The following SLC7A5 variants were observed in gnomAD, a reference collection of about 807,000 sequenced individuals.
The protein encoded by SLC7A5 is solute carrier family 7 member 5, also known as large neutral amino acids transporter small subunit 1.
In SLC7A5, 23 loss-of-function variants were observed where a neutral mutation model predicts 50.2. That is an observed-to-expected ratio of 0.46 (90% CI 0.33 to 0.65). SLC7A5 has a LOEUF of 0.65. Among genes scored for constraint, SLC7A5 ranks in the 30% least tolerant of loss-of-function variants. SLC7A5 has a pLI of 0.02. For synonymous variants in SLC7A5, 393 were observed against 330.6 expected, an observed-to-expected ratio of 1.19 and a Z score of -2.05; for missense variants, 578 against 684.4, an observed-to-expected ratio of 0.84 and a Z score of 1.73.
chr16:87,837,173 C>T (rs1387072795), intron 7 of SLC7A5, among the ~76,000 whole-genome samples: 1 of 152,222 alleles, frequency 6.6e-6, no homozygotes, highest in African/African-American at 2.4e-5. Flanking sequence ...GAGGCCAGCC[C>T]ACAGCTGCCA....
Position 87,869,368 on chromosome 16 carries a change from TCTC to T in SLC7A5, c.52_54del (p.Glu18del), listed in dbSNP as rs1479427571. The T allele has an allele frequency of 1.2e-6, 2 of 1,604,414 alleles. No individual in the cohort carries two copies. Among genetic ancestry groups the T allele is most frequent in the Admixed American group, 1.7e-5 (1 of 59,466 alleles). ...AGCATCTTCTCCCGCGCCTCTTCCT[TCTC>T]CTCGGCCGCCGGCGCCGCTAGCGCG... On this transcript the variant is annotated inframe_deletion, in exon 1 of 10. Transcript: ENST00000261622.
In SLC7A5 at chr16:87,832,961, G is replaced by C. The variant is rs141073967; in HGVS notation, c.*9C>G. 3.4e-5 allele frequency: 55 copies of C among 1,612,496 alleles called. No individual in the cohort carries two copies. Among genetic ancestry groups the C allele is most frequent in the Non-Finnish European group, 4.5e-5 (53 of 1,178,804 alleles). ...CGCATGCTCCTCCGGCAGCCACTCG[G>C]CCTCCTGGCTATGTCTCCTGGGGGA... On this transcript the variant is annotated 3_prime_UTR_variant, in exon 10 of 10. Transcript: ENST00000261622. The surrounding 1 kb of genome is among the most constrained non-coding windows in gnomAD (Gnocchi z 4.6).
At chr16:87,836,810 A>G in intron 7 of SLC7A5, 163 bp from the exon 8 acceptor site, 1 of 467,670 alleles carries the variant, frequency 2.1e-6, no homozygotes, top group Non-Finnish European at 4.2e-6. Context: ...AAGGTCTTGA[A>G]GGAGGAAAGG....
chr16:87,846,070 C>A (rs759411645), intron 2 of SLC7A5, among the ~76,000 whole-genome samples: 44 of 152,222 alleles, frequency 2.9e-4, no homozygotes, highest in Admixed American at 5.2e-4. Flanking sequence ...TCTTCGAGGC[C>A]CAAAAGAGGT....
intron 1 of SLC7A5, among the ~76,000 whole-genome samples, chr16:87,867,405 G>A (rs1191357752): frequency 6.6e-6 from 1 of 152,192 alleles, no homozygotes; most frequent in African/African-American, 2.4e-5. Context: ...GAAGGCACAG[G>A]CTCTCCCCAC....
At chr16:87,843,112 C>T (rs932032879) in intron 2 of SLC7A5, among the ~76,000 whole-genome samples, 1 of 152,124 alleles carries the variant, frequency 6.6e-6, no homozygotes, top group African/African-American at 2.4e-5. Context: ...GAAACACGTG[C>T]CCCATTCACT....
At chr16:87,835,622 C>T (rs553408559) in intron 8 of SLC7A5, among the ~76,000 whole-genome samples, 87 of 152,284 alleles carry the variant, frequency 5.7e-4, no homozygotes, top group South Asian at 1.5e-3. Flanking sequence ...TATAGGCGCC[C>T]GCCACCACGC....
Position 87,851,848 on chromosome 16 carries a change from C to T in SLC7A5, c.540G>A (p.Leu180=), listed in dbSNP as rs1259416928. The part of the protein sequence containing the change: ...AAKLVACLCV[L]LLTAVNCYSV... ...TGTAGCAGTTCACGGCCGTGAGCAG[C>T]ACTGTGGAGACAGAGGGCAGCGGTG... The change falls in exon 2 of 10, where the codon CTG becomes CTA. Residue 180 remains leucine, a splice_region_variant and synonymous_variant. Coordinates refer to ENST00000261622, the MANE Select transcript of SLC7A5 (RefSeq NM_003486.7). 6.2e-7 allele frequency: 1 copy of T among 1,612,838 alleles called. No individual in the cohort carries two copies. The highest frequency in any genetic ancestry group is 8.5e-7 in the Non-Finnish European group (1 of 1,179,970).
rs1452804745 is a variant in SLC7A5, at chr16:87,860,018, C to T, written c.539-8169G>A. 6.6e-6 allele frequency among the ~76,000 whole-genome samples: 1 copy of T among 152,008 alleles called. No individual in the cohort carries two copies. The highest frequency in any genetic ancestry group is 1.5e-5 in the Non-Finnish European group (1 of 68,020). On this transcript the variant is annotated intron_variant, in intron 1 of 9. Transcript: ENST00000261622. This position sits in a 1 kb window ranked among gnomAD's most constrained non-coding sequence, Gnocchi z 4.8. ...TTGATACCAGGTCTTTAGCTAATAA[C>T]TCTTTCAACCAATTGTGAATCAGAA... is the stretch of plus-strand genomic sequence containing the variant.
rs772197178 is a variant in SLC7A5 at position 87,841,188 on chromosome 16, G to C, written c.665-33C>G. 14 of 1,407,862 alleles carry C rather than the reference G, an allele frequency of 9.9e-6. No individual in the cohort carries two copies. The African/African-American group carries it at 1.8e-4, about 19-fold the overall frequency. The allele number at this position is 1,407,862 out of a possible 1,614,324, so 87.2% of individuals were successfully genotyped here. On this transcript the variant is annotated intron_variant, in intron 2 of 9. Transcript: ENST00000261622. This position sits in a 1 kb window ranked among gnomAD's most constrained non-coding sequence, Gnocchi z 4.8. ...GGCCAAAGAAAGGAATGCTGGGTTA[G>C]AGAGCGCTGAACAGAGGTCATGCTA...
rs2055266897 is a variant in SLC7A5 at position 87,853,588 on chromosome 16, C to T, written c.539-1739G>A. ...GCAGGGTCAGGTCAGTGGGTCTAGG[C>T]AGCTCCTTGTCCGCTGCACAGGGCA... On this transcript the variant is annotated intron_variant, in intron 1 of 9. Coordinates refer to ENST00000261622, the MANE Select transcript of SLC7A5 (RefSeq NM_003486.7). The surrounding 1 kb of genome is among the most constrained non-coding windows in gnomAD (Gnocchi z 4.4). Among the ~76,000 whole-genome samples the T allele has an allele frequency of 6.6e-6, 1 of 152,166 alleles. No homozygotes were observed. The highest frequency in any genetic ancestry group is 1.5e-5 in the Non-Finnish European group (1 of 68,046).
chr16:87,867,921 C>T (rs971526066), intron 1 of SLC7A5, among the ~76,000 whole-genome samples: 2 of 152,042 alleles, frequency 1.3e-5, no homozygotes, highest in Non-Finnish European at 2.9e-5. Context: ...CGAGACCATC[C>T]TGGCTAACAC....
chr16:87,857,664 G>T (rs1451104052), intron 1 of SLC7A5, among the ~76,000 whole-genome samples: 1 of 152,202 alleles, frequency 6.6e-6, no homozygotes, highest in African/African-American at 2.4e-5. Flanking sequence ...CGGACATACA[G>T]ATGTCCCTGG....
intron 8 of SLC7A5, 56 bp downstream of exon 8, chr16:87,836,442 C>A: frequency 1.1e-5 from 17 of 1,594,088 alleles, no homozygotes; most frequent in Non-Finnish European, 1.4e-5. Context: ...TCCTTAGGAC[C>A]CACGGACCCT....
chr16:87,859,469 C>G (rs573796378), intron 1 of SLC7A5, among the ~76,000 whole-genome samples: 2 of 152,248 alleles, frequency 1.3e-5, no homozygotes, highest in East Asian at 3.9e-4. Flanking sequence ...GCACGTACAC[C>G]AAAAATAAAA....
intron 2 of SLC7A5, among the ~76,000 whole-genome samples, chr16:87,844,667 GTGGAGA>G (rs2055127427): frequency 6.6e-6 from 1 of 152,250 alleles, no homozygotes; most frequent in Non-Finnish European, 1.5e-5. Context: ...ACATGGGAAT[GTGGAGA>G]TGGAGGGCAT....
In SLC7A5 at chr16:87,862,443, A is replaced by T. The variant is rs555305306; in HGVS notation, c.538+6442T>A. On this transcript the variant is annotated intron_variant, in intron 1 of 9. Transcript: ENST00000261622. This position sits in a 1 kb window ranked among gnomAD's most constrained non-coding sequence, Gnocchi z 5.3. ...CTCAGAGACAGTTGTGGCGATTCCT[A>T]CTTCCACCCATAGCCCCCCGACCCT... 6.6e-6 allele frequency among the ~76,000 whole-genome samples: 1 copy of T among 152,134 alleles called. No homozygotes were observed. The highest frequency in any genetic ancestry group is 2.4e-5 in the African/African-American group (1 of 41,410).
Position 87,861,200 on chromosome 16 carries a change from G to A in SLC7A5, c.538+7685C>T, listed in dbSNP as rs372601345. Among the ~76,000 whole-genome samples, 1 of 152,298 alleles carries A rather than the reference G, an allele frequency of 6.6e-6. No individual in the cohort carries two copies. Among genetic ancestry groups the A allele is most frequent in the Admixed American group, 6.5e-5 (1 of 15,304 alleles). On this transcript the variant is annotated intron_variant, in intron 1 of 9. Coordinates refer to ENST00000261622, the MANE Select transcript of SLC7A5 (RefSeq NM_003486.7). The surrounding 1 kb of genome is among the most constrained non-coding windows in gnomAD (Gnocchi z 4.2). ...TGCTCCAGGGAGGGCCAGGCCTACT[G>A]GGGGGCAGAACCCTGTGGCTGTCCA...
At position 87,839,868 on chromosome 16, in the gene SLC7A5, C is replaced by T. The variant is rs33954774; in HGVS notation, c.816-43G>A. 2.5e-6 allele frequency: 4 copies of T among 1,611,856 alleles called. No individual in the cohort carries two copies. In the African/African-American group the frequency reaches 5.3e-5, roughly 22 times the overall value. ...GACATGTCACCCAACGCAGCCCGGGCTGAAGGCCAAACCCTGTGCCCAGGA... is the reference window on the plus strand; with the variant it reads ...GACATGTCACCCAACGCAGCCCGGGTTGAAGGCCAAACCCTGTGCCCAGGA... On this transcript the variant is annotated intron_variant, in intron 4 of 9. Coordinates refer to ENST00000261622, the MANE Select transcript of SLC7A5 (RefSeq NM_003486.7).
Sources: allele counts gnomAD v4.1 joint callset (sites outside exome capture counted in the v4.1 genomes callset), GRCh38; gene constraint gnomAD v4.1.1; non-coding constraint Gnocchi (gnomAD v3.1); transcripts MANE v1.5; gene names NCBI Gene and HGNC (gene_info 2026-07-23, HGNC 2026-07-21).